Variants in C12orf42 observed in about 807,000 individuals in gnomAD.
C12orf42 encodes the protein uncharacterized protein C12orf42.
A neutral mutation model predicts 21.6 loss-of-function variants in C12orf42; 25 were observed. The observed-to-expected ratio is 1.16, with a 90% CI of 0.84 to 1.62. The LOEUF (loss-of-function observed/expected upper bound fraction) is 1.62, where lower values mean the gene tolerates loss of function less well. C12orf42 is among the 40% of genes most tolerant of loss of function. The pLI, the probability that C12orf42 is intolerant of heterozygous loss-of-function variation, is 0.00. For synonymous variants in C12orf42, 174 were observed against 175.0 expected, an observed-to-expected ratio of 0.99 and a Z score of 0.05; for missense variants, 483 against 459.3, an observed-to-expected ratio of 1.05 and a Z score of -0.47.
chr12:103,222,678 T>C, the C12orf42 span, among the ~76,000 whole-genome samples: 1 of 152,130 alleles, frequency 6.6e-6, no homozygotes, highest in Admixed American at 6.6e-5. Flanking sequence ...TGGTATATCT[T>C]GAAATACTTT....
chr12:103,343,740 C>T (rs1255551887), intron 4 of C12orf42, among the ~76,000 whole-genome samples: 1 of 147,718 alleles, frequency 6.8e-6, no homozygotes, highest in Non-Finnish European at 1.5e-5. Context: ...CACCATTGCA[C>T]TCCAGGTTGG....
the C12orf42 span, among the ~76,000 whole-genome samples, chr12:103,180,262 C>A: frequency 6.6e-6 from 1 of 151,966 alleles, no homozygotes; most frequent in Non-Finnish European, 1.5e-5. Context: ...AATGCTATTA[C>A]AATTTCATGG....
chr12:103,053,993 A>C, the C12orf42 span, among the ~76,000 whole-genome samples: 289 of 151,922 alleles, frequency 1.9e-3, no homozygotes, highest in Non-Finnish European at 3.3e-3. Flanking sequence ...TGATTACTGC[A>C]CCTATGTAAT....
chr12:103,435,508 A>G (rs1293410719), intron 2 of C12orf42, among the ~76,000 whole-genome samples: 1 of 152,194 alleles, frequency 6.6e-6, no homozygotes, highest in East Asian at 1.9e-4. Flanking sequence ...TTTGAAAAAA[A>G]TTTAGAATAA....
chr12:103,157,262 A>G, the C12orf42 span, among the ~76,000 whole-genome samples: 18 of 152,162 alleles, frequency 1.2e-4, no homozygotes, highest in Non-Finnish European at 2.2e-4. Flanking sequence ...CTGGTCACAT[A>G]AATGTCTTCA....
At chr12:103,451,379 C>G (rs7971098) in intron 2 of C12orf42, among the ~76,000 whole-genome samples, 2 of 151,718 alleles carry the variant, frequency 1.3e-5, no homozygotes, top group Non-Finnish European at 2.9e-5. Context: ...AGTGTGCCCA[C>G]CTATTTTTTA....
At position 103,455,621 on chromosome 12, in the gene C12orf42, G is replaced by A. The variant is rs560480554; in HGVS notation, c.78+22728C>T. ...TGTACCACAAGATCCCTGGGGGTGT[G>A]AGGTTCCTCTTCTACTTTCATCGAT... On this transcript the variant is annotated intron_variant, in intron 2 of 5. Coordinates refer to ENST00000548883, the MANE Select transcript of C12orf42 (RefSeq NM_198521.5). 3.9e-5 allele frequency among the ~76,000 whole-genome samples: 6 copies of A among 152,210 alleles called. No homozygotes were observed. The South Asian group carries it at 1.2e-3, about 32-fold the overall frequency.
rs144368337 is a variant in C12orf42, at chr12:103,447,996, A to C, written c.78+30353T>G. The stretch of plus-strand genomic sequence containing the variant: ...GAGCCCACATAGACAAAGCAAGACT[A>C]AGCAAAAAGGACAAATCTGGAGGCA... On this transcript the variant is annotated intron_variant, in intron 2 of 5. Transcript: ENST00000548883. 2.1e-3 allele frequency among the ~76,000 whole-genome samples: 325 copies of C among 152,196 alleles called. 1 individual carries two copies. Among genetic ancestry groups the C allele is most frequent in the African/African-American group, 7.6e-3 (314 of 41,504 alleles).
intron 2 of C12orf42, among the ~76,000 whole-genome samples, chr12:103,413,999 G>A (rs1308240106): frequency 6.6e-6 from 1 of 151,918 alleles, no homozygotes; most frequent in Non-Finnish European, 1.5e-5. Flanking sequence ...TTTTCTTCTG[G>A]GTAGATACTC....
chr12:103,210,364 A>G, the C12orf42 span, among the ~76,000 whole-genome samples: 9 of 152,058 alleles, frequency 5.9e-5, no homozygotes, highest in African/African-American at 1.2e-4. Flanking sequence ...TATAATTATA[A>G]TTCTTCCCAA....
intron 3 of C12orf42, among the ~76,000 whole-genome samples, chr12:103,370,489 T>C (rs2045094786): frequency 6.6e-6 from 1 of 152,042 alleles, no homozygotes; most frequent in South Asian, 2.1e-4. Context: ...CAAATGCCTA[T>C]CAATGTTGGA....
chr12:103,420,816 G>A (rs1418950018), intron 2 of C12orf42, among the ~76,000 whole-genome samples: 1 of 152,108 alleles, frequency 6.6e-6, no homozygotes, highest in Non-Finnish European at 1.5e-5. Context: ...ACCGCGCCCA[G>A]CCTGCATGTT....
chr12:103,224,695 T>C, the C12orf42 span, among the ~76,000 whole-genome samples: 1 of 152,080 alleles, frequency 6.6e-6, no homozygotes, highest in Non-Finnish European at 1.5e-5. Flanking sequence ...TTATGAGAAC[T>C]GTAGAGAGTG....
At chr12:103,066,804 T>A in the C12orf42 span, among the ~76,000 whole-genome samples, 1 of 152,228 alleles carries the variant, frequency 6.6e-6, no homozygotes, top group Non-Finnish European at 1.5e-5. Flanking sequence ...TGAAAATATT[T>A]GTATCCCATG....
At chr12:103,561,064 A>C in the C12orf42 span, among the ~76,000 whole-genome samples, 5 of 152,108 alleles carry the variant, frequency 3.3e-5, no homozygotes, top group Admixed American at 1.3e-4. Context: ...CTATCCCAGC[A>C]TATCTCCCTG....
At chr12:103,242,792 C>G (rs1035103611) in intron 10 of C12orf42, among the ~76,000 whole-genome samples, 1 of 151,948 alleles carries the variant, frequency 6.6e-6, no homozygotes, top group African/African-American at 2.4e-5. Context: ...CAAATCAATG[C>G]AAAAACATAT....
the C12orf42 span, among the ~76,000 whole-genome samples, chr12:103,202,275 T>C: frequency 6.6e-6 from 1 of 152,222 alleles, no homozygotes; most frequent in Non-Finnish European, 1.5e-5. Context: ...TCTGTTTACA[T>C]ACTTCACTTG....
downstream of C12orf42, among the ~76,000 whole-genome samples, chr12:103,265,628 A>G (rs1407496484): frequency 6.6e-6 from 1 of 152,186 alleles, no homozygotes; most frequent in African/African-American, 2.4e-5. Flanking sequence ...CAAAGACAAG[A>G]TGCTGAAAAT....
intron 9 of C12orf42, chr12:103,263,384 A>T (rs926688066): frequency 3.3e-5 from 5 of 152,184 alleles, no homozygotes; most frequent in African/African-American, 1.2e-4. Context: ...ACAAAAAAAA[A>T]GTTTGATTTC....
Sources: gnomAD v4.1 joint callset for allele counts (sites outside exome capture counted in the v4.1 genomes callset) on GRCh38, gnomAD v4.1.1 for gene constraint, MANE v1.5 for transcripts, NCBI Gene and HGNC (gene_info 2026-07-23, HGNC 2026-07-21) for gene names.